Variants in PDE1C observed in about 807,000 individuals in gnomAD.
The protein encoded by PDE1C is phosphodiesterase 1C.
In PDE1C, 62 loss-of-function variants were observed where a neutral mutation model predicts 93.1. The observed-to-expected ratio is 0.67, with a 90% CI of 0.54 to 0.82. The LOEUF is 0.82. Ranked by LOEUF, PDE1C falls within the 40% of genes least tolerant of loss-of-function variation. The pLI is 0.00. For missense variants in PDE1C, 742 were observed against 884.6 expected, an observed-to-expected ratio of 0.84 and a Z score of 2.04; for synonymous variants, 325 against 310.1, an observed-to-expected ratio of 1.05 and a Z score of -0.50.
intron 2 of PDE1C, among the ~76,000 whole-genome samples, chr7:31,907,320 CT>C: frequency 6.6e-6 from 1 of 152,190 alleles, no homozygotes; most frequent in Admixed American, 6.5e-5. Flanking sequence ...TGAGTTATAA[CT>C]CAGTCTATAC....
At position 31,751,552 on chromosome 7, in the gene PDE1C, CTG is replaced by C; in HGVS notation, c.*1830_*1831del. On this transcript the variant is annotated 3_prime_UTR_variant, in exon 18 of 18. Coordinates refer to ENST00000396191, the MANE Select transcript of PDE1C (RefSeq NM_001191057.4). The stretch of plus-strand genomic sequence containing the variant: ...CTTTGTACAGCAAGCGCTAAAGCAT[CTG>C]TGTATAAACAGATAGGAATTACCTG... The C allele has an allele frequency of 6.6e-6, 1 of 152,318 alleles. No homozygotes were observed. Among genetic ancestry groups the C allele is most frequent in the African/African-American group, 2.4e-5 (1 of 41,576 alleles). The allele number at this position is 152,318 out of a possible 1,614,324, so 9.4% of individuals were successfully genotyped here.
At chr7:31,688,788 A>G in the PDE1C span, among the ~76,000 whole-genome samples, 6 of 152,194 alleles carry the variant, frequency 3.9e-5, no homozygotes, top group Admixed American at 6.5e-5. Flanking sequence ...CCCTGAAATC[A>G]TATCTCTTGG....
At chr7:32,270,967 C>T (rs1004821985) in intron 1 of PDE1C, among the ~76,000 whole-genome samples, 23 of 147,900 alleles carry the variant, frequency 1.6e-4, no homozygotes, top group Admixed American at 1.3e-4. Context: ...CCCGTCTCTA[C>T]TAAAAAAAGA....
At chr7:31,945,142 C>T (rs1806436781) in intron 2 of PDE1C, among the ~76,000 whole-genome samples, 1 of 152,084 alleles carries the variant, frequency 6.6e-6, no homozygotes, top group Non-Finnish European at 1.5e-5. Flanking sequence ...CTCCAAGGAC[C>T]TTATAACAGA....
At chr7:32,028,497 A>G (rs1353299740) in intron 2 of PDE1C, among the ~76,000 whole-genome samples, 1 of 152,008 alleles carries the variant, frequency 6.6e-6, no homozygotes, top group Admixed American at 6.6e-5. Context: ...TCAGTTTCTT[A>G]TTGTTATTAT....
At chr7:32,026,721 A>G (rs918555033) in intron 2 of PDE1C, among the ~76,000 whole-genome samples, 9 of 152,278 alleles carry the variant, frequency 5.9e-5, no homozygotes, top group African/African-American at 2.2e-4. Flanking sequence ...AAAAAATGGC[A>G]GCTTTATTCA....
the PDE1C span, among the ~76,000 whole-genome samples, chr7:31,705,682 T>C: frequency 6.6e-6 from 1 of 152,190 alleles, no homozygotes; most frequent in Non-Finnish European, 1.5e-5. Flanking sequence ...AAAGGCCTCT[T>C]GTGGTGCACA....
chr7:31,694,731 G>A, the PDE1C span, among the ~76,000 whole-genome samples: 1 of 152,192 alleles, frequency 6.6e-6, no homozygotes, highest in Non-Finnish European at 1.5e-5. Context: ...AGAGGAGTAA[G>A]AGGGAGCAGA....
chr7:32,104,042 C>T (rs952581797), intron 3 of PDE1C, among the ~76,000 whole-genome samples: 11 of 151,874 alleles, frequency 7.2e-5, no homozygotes, highest in South Asian at 2.1e-4. Flanking sequence ...AATGAGAAAA[C>T]AATCAATTAC....
chr7:32,188,110 T>C (rs1804000311), intron 2 of PDE1C, among the ~76,000 whole-genome samples: 1 of 152,186 alleles, frequency 6.6e-6, no homozygotes, highest in African/African-American at 2.4e-5. Flanking sequence ...ATTTGCATGC[T>C]GTAGAAGAGA....
intron 2 of PDE1C, among the ~76,000 whole-genome samples, chr7:31,987,007 A>G (rs1476100500): frequency 1.3e-5 from 2 of 152,118 alleles, no homozygotes; most frequent in African/African-American, 2.4e-5. Context: ...CAAACTCCAA[A>G]CATATGGTCA....
In PDE1C at chr7:31,777,837, G is replaced by A. The variant is rs138230089; in HGVS notation, c.1892-2105C>T. Reference sequence around the variant, plus strand: ...TGAAGTGAAGGGAACTGTATCTGGCGGGACTTTATTTCTCCATTTTCCAGG... The same window carrying A: ...TGAAGTGAAGGGAACTGTATCTGGCAGGACTTTATTTCTCCATTTTCCAGG... On this transcript the variant is annotated intron_variant, in intron 16 of 17. Transcript: ENST00000396191. Among the ~76,000 whole-genome samples, 856 of 152,212 alleles carry A rather than the reference G, an allele frequency of 5.6e-3. 8 individuals are homozygous for A. Among genetic ancestry groups the A allele is most frequent in the African/African-American group, 8.4e-3 (347 of 41,532 alleles).
Position 32,026,216 on chromosome 7 carries a change from C to A in PDE1C, c.128+25338G>T, listed in dbSNP as rs144856810. Among the ~76,000 whole-genome samples the A allele has an allele frequency of 4.2e-3, 641 of 152,212 alleles. 3 individuals are homozygous for A. The highest frequency in any genetic ancestry group is 0.014 in the African/African-American group (592 of 41,538). ...TGAACTGAATTTTTTCTGGCTTAGA[C>A]TCAGCATTCCCACTTCTTTGGTTGC... is the stretch of plus-strand genomic sequence containing the variant. On this transcript the variant is annotated intron_variant, in intron 2 of 17. Transcript: ENST00000396191.
chr7:31,743,427 G>A, the PDE1C span, among the ~76,000 whole-genome samples: 2 of 152,090 alleles, frequency 1.3e-5, no homozygotes, highest in South Asian at 4.1e-4. Context: ...CCTGCCACAA[G>A]TAAGACAGGA....
At chr7:31,880,142 A>G (rs1159757860) in intron 3 of PDE1C, among the ~76,000 whole-genome samples, 3 of 152,234 alleles carry the variant, frequency 2.0e-5, no homozygotes, top group African/African-American at 4.8e-5. Flanking sequence ...AATTAGGGGG[A>G]AAAAAAACCA....
At chr7:31,693,531 C>T in the PDE1C span, among the ~76,000 whole-genome samples, 1 of 152,190 alleles carries the variant, frequency 6.6e-6, no homozygotes, top group South Asian at 2.1e-4. Flanking sequence ...GCTTTCTGAG[C>T]CTCAGTTTCC....
At chr7:32,027,237 A>G (rs955769844) in intron 2 of PDE1C, among the ~76,000 whole-genome samples, 6 of 152,234 alleles carry the variant, frequency 3.9e-5, no homozygotes, top group African/African-American at 1.2e-4. Flanking sequence ...GGCGATGCTG[A>G]CAGTGGGGGA....
At position 32,410,366 on chromosome 7, in the gene PDE1C, C is replaced by T. The variant is rs1215318226; in HGVS notation, c.310+17456G>A. On this transcript the variant is annotated intron_variant, in intron 1 of 1. Transcript: ENST00000672256. ...AAGAAGAGGAAAAGGAGGGTGAGGG[C>T]GGGTAGGAAGAGAAGGAGGAGGGGG... Among the ~76,000 whole-genome samples, 9 of 73,744 alleles carry T rather than the reference C, an allele frequency of 1.2e-4. No homozygotes were observed. In the East Asian group the frequency reaches 1.6e-3, roughly 13 times the overall value. The allele number at this position is 73,744 out of a possible 152,430, so 48.4% of individuals were successfully genotyped here. A position where few individuals can be genotyped will look rare whatever the true frequency, so the allele number is the denominator to read the frequency against.
At chr7:31,789,083 T>C (rs1323615552) in intron 16 of PDE1C, 1 of 152,194 alleles carries the variant, frequency 6.6e-6, no homozygotes, top group African/African-American at 2.4e-5. Flanking sequence ...AGCATATTCA[T>C]GTGCTTCACT....
Sources: allele counts gnomAD v4.1 joint callset (sites outside exome capture counted in the v4.1 genomes callset), GRCh38; gene constraint gnomAD v4.1.1; transcripts MANE v1.5; gene names NCBI Gene and HGNC (gene_info 2026-07-23, HGNC 2026-07-21).